The following ASB3 variants were observed in gnomAD, a reference collection of about 807,000 sequenced individuals.
ASB3 encodes ankyrin repeat and SOCS box containing 3, also known as ankyrin repeat and SOCS box protein 3.
A neutral mutation model predicts 54.5 loss-of-function variants in ASB3; 41 were observed. That is an observed-to-expected ratio of 0.75 (90% CI 0.59 to 0.98). The LOEUF is 0.98. Ranked by LOEUF, ASB3 falls within the 50% of genes least tolerant of loss-of-function variation. The probability of loss-of-function intolerance (pLI) is 0.00; values close to 1 mark genes in which losing one functional copy is unlikely to be tolerated. For synonymous variants in ASB3, 266 were observed against 221.2 expected, an observed-to-expected ratio of 1.20 and a Z score of -1.80; for missense variants, 733 against 620.0, an observed-to-expected ratio of 1.18 and a Z score of -1.94.
chr2:53,728,910 C>T (rs1671150407), intron 4 of ASB3, 63 bp from the exon 5 acceptor site: 2 of 1,483,278 alleles, frequency 1.3e-6, no homozygotes, highest in South Asian at 1.4e-5. Context: ...TATCTTTCTT[C>T]TTACTGTGTT....
intron 3 of ASB3, 100 bp from the exon 4 acceptor site, chr2:53,729,670 A>G: frequency 1.1e-6 from 1 of 918,492 alleles, no homozygotes; most frequent in Non-Finnish European, 1.7e-6. Flanking sequence ...CCTCAGAACC[A>G]CAATGCTCTG....
At chr2:53,727,526 T>C (rs1046329267) in intron 5 of ASB3, among the ~76,000 whole-genome samples, 2 of 151,976 alleles carry the variant, frequency 1.3e-5, no homozygotes, top group Non-Finnish European at 2.9e-5. Context: ...ATCGCAGCTA[T>C]TTGGTAGGCT....
chr2:53,772,410 G>A (rs1193603592), intron 1 of ASB3, among the ~76,000 whole-genome samples: 4 of 152,018 alleles, frequency 2.6e-5, no homozygotes, highest in Admixed American at 2.6e-4. Flanking sequence ...TCCCGACCTC[G>A]TGATCCGCCC....
intron 2 of ASB3, among the ~76,000 whole-genome samples, chr2:53,762,337 G>T (rs1159595116): frequency 6.6e-6 from 1 of 152,196 alleles, no homozygotes; most frequent in African/African-American, 2.4e-5. Flanking sequence ...TCTAACAGAT[G>T]AAAAAACTAA....
intron 1 of ASB3, among the ~76,000 whole-genome samples, chr2:53,778,456 A>T (rs1674474242): frequency 6.6e-6 from 1 of 152,160 alleles, no homozygotes; most frequent in African/African-American, 2.4e-5. Context: ...TATAAAGTAC[A>T]TTATTAGTCA....
At chr2:53,764,266 G>A (rs1572992712) in intron 2 of ASB3, among the ~76,000 whole-genome samples, 1 of 152,094 alleles carries the variant, frequency 6.6e-6, no homozygotes, top group African/African-American at 2.4e-5. Context: ...GAGTATTATA[G>A]TCAACCTCAT....
intron 3 of ASB3, among the ~76,000 whole-genome samples, chr2:53,747,118 C>T (rs1672269428): frequency 6.6e-6 from 1 of 152,126 alleles, no homozygotes; most frequent in South Asian, 2.1e-4. Flanking sequence ...AGGCACAATA[C>T]TGAATTTCAT....
rs988063508 is a variant in ASB3 at position 53,732,274 on chromosome 2, A to C, written c.356-2704T>G. Among the ~76,000 whole-genome samples the C allele has an allele frequency of 2.6e-5, 4 of 152,148 alleles. No individual in the cohort carries two copies. The South Asian group carries it at 8.3e-4, about 32-fold the overall frequency. ...CTGCACCTGGCCCCACAACAGCTTT[A>C]AAAAAATAACTGAAAATTAAAAAAA... On this transcript the variant is annotated intron_variant, in intron 3 of 9. Transcript: ENST00000263634.
chr2:53,716,532 G>A lies in ASB3; in HGVS notation c.782+34C>T, dbSNP rs747176845. The A allele has an allele frequency of 2.0e-5, 32 of 1,595,504 alleles. 1 individual carries two copies. In the South Asian group the frequency reaches 3.5e-4, roughly 17 times the overall value. On this transcript the variant is annotated intron_variant, in intron 6 of 9. Transcript: ENST00000263634. The stretch of plus-strand genomic sequence containing the variant: ...TTATTCTTTATTAGCTTTTGATTAA[G>A]AGACCATGTTTATTTTCTGTTTTTA...
At chr2:53,771,854 A>C in intron 1 of ASB3, 1 of 973,842 alleles carries the variant, frequency 1.0e-6, no homozygotes, top group Non-Finnish European at 1.6e-6. Flanking sequence ...ATGCTCAGCT[A>C]CTTAATGAAC....
chr2:53,721,086 C>T (rs564767236), intron 5 of ASB3, among the ~76,000 whole-genome samples: 26 of 150,714 alleles, frequency 1.7e-4, no homozygotes, highest in Non-Finnish European at 3.1e-4. Flanking sequence ...CCACTGCACT[C>T]CAGTCTGGGT....
In ASB3 at chr2:53,693,927, G is replaced by C. The variant is rs2103732184; in HGVS notation, c.1326C>G (p.Leu442=). The change falls in exon 9 of 10, where the codon CTC becomes CTG. Residue 442 remains leucine (L), a synonymous_variant. Coordinates refer to ENST00000263634, the MANE Select transcript of ASB3 (RefSeq NM_016115.5). ...TCCAAGCGTTTGAGGCACGAGCAGA[G>C]AGCATCCTTTCAACAGCTGGTGCAA... The part of the protein sequence containing the change: ...KTLAPAVERM[L]SARASNAWIL... 4 of 1,613,662 alleles carry C rather than the reference G, an allele frequency of 2.5e-6. No homozygotes were observed. The highest frequency in any genetic ancestry group is 2.5e-6 in the Non-Finnish European group (3 of 1,179,652).
At chr2:53,726,283 C>T (rs535694761) in intron 5 of ASB3, among the ~76,000 whole-genome samples, 64 of 139,706 alleles carry the variant, frequency 4.6e-4, no homozygotes, top group African/African-American at 1.7e-3. Flanking sequence ...TTTTGGGAGA[C>T]GGAGTCCCAC....
At chr2:53,675,173 C>T (rs1362043603) in intron 9 of ASB3, among the ~76,000 whole-genome samples, 1 of 152,138 alleles carries the variant, frequency 6.6e-6, no homozygotes, top group East Asian at 1.9e-4. Flanking sequence ...TTTGCAAAAG[C>T]ATTTCATAAA....
In ASB3 at chr2:53,670,522, G is replaced by A. The variant is rs1667755310; in HGVS notation, c.1538C>T (p.Ala513Val). Residue 513 changes from alanine to valine, a missense_variant, in exon 10 of 10, where the codon GCA becomes GTA. By Grantham distance (64) the Ala-to-Val change is moderately conservative. Transcript: ENST00000263634. ...ACTGATTTATCCATCTTGAATAGCT[G>A]CCAGTTCTGGAACTTCATACATCCT... Reference protein sequence around the residue: ...VLRMYEVPELAAIQDG With the variant: ...VLRMYEVPELVAIQDG The A allele has an allele frequency of 6.2e-7, 1 of 1,613,558 alleles. No homozygotes were observed. The highest frequency in any genetic ancestry group is 8.5e-7 in the Non-Finnish European group (1 of 1,179,896).
At chr2:53,740,391 A>C (rs1671870822) in intron 3 of ASB3, among the ~76,000 whole-genome samples, 1 of 151,952 alleles carries the variant, frequency 6.6e-6, no homozygotes, top group South Asian at 2.1e-4. Flanking sequence ...TAGAAAAGAA[A>C]CTCCATTATT....
chr2:53,759,580 A>T (rs1014171022), intron 2 of ASB3, among the ~76,000 whole-genome samples: 1 of 152,136 alleles, frequency 6.6e-6, no homozygotes, highest in Non-Finnish European at 1.5e-5. Context: ...GATAAACGGG[A>T]TAAGAAAAAG....
chr2:53,725,943 T>TA (rs1457595232), intron 5 of ASB3, among the ~76,000 whole-genome samples: 2 of 152,142 alleles, frequency 1.3e-5, no homozygotes, highest in African/African-American at 2.4e-5. Context: ...ACTTTTTTTT[T>TA]AATGCGTTAT....
intron 3 of ASB3, among the ~76,000 whole-genome samples, chr2:53,749,638 G>T (rs889629866): frequency 1.3e-5 from 2 of 152,018 alleles, no homozygotes; most frequent in Non-Finnish European, 2.9e-5. Context: ...AAAAGAAATG[G>T]ATTATTGATA....
Sources: gnomAD v4.1 joint callset for allele counts (sites outside exome capture counted in the v4.1 genomes callset) on GRCh38, gnomAD v4.1.1 for gene constraint, MANE v1.5 for transcripts, NCBI Gene and HGNC (gene_info 2026-07-23, HGNC 2026-07-21) for gene names.